The following CSGALNACT1 variants were observed in gnomAD, a reference collection of about 807,000 sequenced individuals.
The protein encoded by CSGALNACT1 is beta4GalNAcT-1.
In CSGALNACT1, 52 loss-of-function variants were observed where a neutral mutation model predicts 51.0. That is an observed-to-expected ratio of 1.02 (90% CI 0.82 to 1.29). The LOEUF (loss-of-function observed/expected upper bound fraction) is 1.29, where lower values mean the gene tolerates loss of function less well. Among genes scored for constraint, CSGALNACT1 ranks in the 50% most tolerant of loss-of-function variants. The pLI is 0.00. For missense variants in CSGALNACT1, 935 were observed against 679.2 expected (o/e 1.38, Z -4.19); for synonymous variants, 341 against 254.4 (o/e 1.34, Z -3.24).
At chr8:19,716,352 G>C (rs1195589829) in intron 1 of CSGALNACT1, among the ~76,000 whole-genome samples, 2 of 151,994 alleles carry the variant, frequency 1.3e-5, no homozygotes, top group Non-Finnish European at 2.9e-5. Context: ...CCTAATAGAA[G>C]ATATGATCTT....
chr8:19,415,396 A>G (rs2056680472), intron 8 of CSGALNACT1, among the ~76,000 whole-genome samples: 1 of 152,216 alleles, frequency 6.6e-6, no homozygotes, highest in African/African-American at 2.4e-5. Context: ...AAATAGTCAT[A>G]AATACTGAAC....
At chr8:19,524,797 G>A (rs1359160558) in intron 3 of CSGALNACT1, among the ~76,000 whole-genome samples, 1 of 152,058 alleles carries the variant, frequency 6.6e-6, no homozygotes, top group East Asian at 1.9e-4. Context: ...CAGCTTCCCC[G>A]CTCAATGACA....
chr8:19,696,047 A>G (rs1042144883), intron 1 of CSGALNACT1, among the ~76,000 whole-genome samples: 1 of 152,240 alleles, frequency 6.6e-6, no homozygotes, highest in South Asian at 2.1e-4. Flanking sequence ...GACCAGTAGC[A>G]AAAACATGTA....
chr8:19,498,960 T>C (rs2075958279), intron 4 of CSGALNACT1, among the ~76,000 whole-genome samples: 1 of 151,892 alleles, frequency 6.6e-6, no homozygotes, highest in Non-Finnish European at 1.5e-5. Flanking sequence ...TCAAAAGGTT[T>C]AAAAAATTGG....
chr8:19,701,153 G>GTTTTTTTTTT (rs767074945), intron 1 of CSGALNACT1, among the ~76,000 whole-genome samples: 1,772 of 93,230 alleles, frequency 0.019, 271 homozygotes, highest in African/African-American at 0.04. Flanking sequence ...TCTATTATCC[G>GTTTTTTTTTT]TTTTTTTTTT....
intron 1 of CSGALNACT1, among the ~76,000 whole-genome samples, chr8:19,746,433 G>T (rs1025683421): frequency 2.6e-5 from 4 of 152,156 alleles, no homozygotes; most frequent in African/African-American, 7.2e-5. Context: ...ATCACGTGCA[G>T]ATTGATGAAA....
In CSGALNACT1 at chr8:19,440,251, G is replaced by T. The variant is rs185018642; in HGVS notation, c.852-320C>A. Among the ~76,000 whole-genome samples, 347 of 152,232 alleles carry T rather than the reference G, an allele frequency of 2.3e-3. 2 individuals carry two copies. In the South Asian group the frequency reaches 0.026, roughly 11 times the overall value. Reference sequence around the variant, plus strand: ...TGGAATTGGGTCCTTGGGGTCCCTGGTTCTTACCCCATAAAAAGACTATTT... The same window carrying T: ...TGGAATTGGGTCCTTGGGGTCCCTGTTTCTTACCCCATAAAAAGACTATTT... On this transcript the variant is annotated intron_variant, in intron 5 of 9. Coordinates refer to ENST00000454498, the Ensembl canonical transcript of CSGALNACT1.
chr8:19,475,435 C>A (rs577436689), intron 4 of CSGALNACT1, among the ~76,000 whole-genome samples: 1 of 152,152 alleles, frequency 6.6e-6, no homozygotes, highest in Non-Finnish European at 1.5e-5. Flanking sequence ...CTGTAACAAT[C>A]TGAATATTAA....
At chr8:19,728,623 C>G (rs1469007386) in intron 1 of CSGALNACT1, among the ~76,000 whole-genome samples, 1 of 152,136 alleles carries the variant, frequency 6.6e-6, no homozygotes, top group Non-Finnish European at 1.5e-5. Flanking sequence ...GCCACATGTT[C>G]ATTCCACATT....
intron 4 of CSGALNACT1, among the ~76,000 whole-genome samples, chr8:19,496,501 G>C (rs1158626630): frequency 1.3e-5 from 2 of 152,026 alleles, no homozygotes; most frequent in African/African-American, 4.8e-5. Flanking sequence ...TAATCAATAG[G>C]TTTTAAAGTA....
chr8:19,482,145 A>G (rs556321913), intron 4 of CSGALNACT1, among the ~76,000 whole-genome samples: 2 of 152,204 alleles, frequency 1.3e-5, no homozygotes, highest in Admixed American at 6.5e-5. Flanking sequence ...CCTCTCTTTC[A>G]GCGCTGAGCA....
chr8:19,631,185 C>A (rs987259936), intron 1 of CSGALNACT1, among the ~76,000 whole-genome samples: 7 of 152,094 alleles, frequency 4.6e-5, no homozygotes, highest in African/African-American at 1.7e-4. Context: ...TTTGTGTGCA[C>A]CTAAGTTTTC....
At chr8:19,666,288 A>AGAG (rs756782354) in intron 1 of CSGALNACT1, among the ~76,000 whole-genome samples, 45 of 152,220 alleles carry the variant, frequency 3.0e-4, no homozygotes, top group Non-Finnish European at 5.6e-4. Flanking sequence ...TATTATAACT[A>AGAG]GAGGAATAGA....
At chr8:19,696,915 C>T (rs2061613781) in intron 1 of CSGALNACT1, among the ~76,000 whole-genome samples, 1 of 152,118 alleles carries the variant, frequency 6.6e-6, no homozygotes, top group African/African-American at 2.4e-5. Flanking sequence ...GAAAACAGTG[C>T]ATGCCAATGA....
At chr8:19,647,684 A>G (rs564817810) in intron 1 of CSGALNACT1, among the ~76,000 whole-genome samples, 5 of 152,240 alleles carry the variant, frequency 3.3e-5, no homozygotes, top group African/African-American at 1.2e-4. Context: ...TAACACAGAT[A>G]AAGAAATTGC....
At chr8:19,750,074 C>T (rs1020086240) in intron 1 of CSGALNACT1, among the ~76,000 whole-genome samples, 1 of 152,166 alleles carries the variant, frequency 6.6e-6, no homozygotes, top group African/African-American at 2.4e-5. Context: ...GATCCCCAAC[C>T]GCTTCTGTTC....
chr8:19,680,751 G>A (rs549792433), intron 1 of CSGALNACT1, among the ~76,000 whole-genome samples: 1 of 151,994 alleles, frequency 6.6e-6, no homozygotes, highest in Non-Finnish European at 1.5e-5. Context: ...TCATCAGCAC[G>A]TGAACATCAA....
intron 3 of CSGALNACT1, among the ~76,000 whole-genome samples, chr8:19,536,935 C>T (rs1220795482): frequency 6.6e-6 from 1 of 152,168 alleles, no homozygotes; most frequent in Non-Finnish European, 1.5e-5. Flanking sequence ...ACAAATGGTG[C>T]TGGTTCTGGA....
In CSGALNACT1 at chr8:19,535,911, C is replaced by A. The variant is rs184399135; in HGVS notation, c.-296-29781G>T. Among the ~76,000 whole-genome samples the A allele has an allele frequency of 1.1e-4, 16 of 152,132 alleles. 1 individual carries two copies. The South Asian group carries it at 2.1e-3, about 20-fold the overall frequency. ...AAATACTAAATACATTCCTTTCAGACTGGGAACAAAGCAAGGATGTTAATT... is the reference window on the plus strand; with the variant it reads ...AAATACTAAATACATTCCTTTCAGAATGGGAACAAAGCAAGGATGTTAATT... On this transcript the variant is annotated intron_variant, in intron 3 of 9. Transcript: ENST00000454498.
Sources: gnomAD v4.1 joint callset for allele counts (sites outside exome capture counted in the v4.1 genomes callset) on GRCh38, gnomAD v4.1.1 for gene constraint, MANE v1.5 for transcripts, NCBI Gene and HGNC (gene_info 2026-07-23, HGNC 2026-07-21) for gene names.